Variants in JMJD1C observed in about 807,000 individuals in gnomAD.
JMJD1C encodes the protein jumonji domain containing 1C.
Under a neutral mutation model 245.3 loss-of-function variants are expected in JMJD1C, and 31 were observed. That is an observed-to-expected ratio of 0.13 (90% CI 0.09 to 0.17). The LOEUF is 0.17. Among genes scored for constraint, JMJD1C ranks in the 10% least tolerant of loss-of-function variants. The pLI, the probability that JMJD1C is intolerant of heterozygous loss-of-function variation, is 1.00. For synonymous variants in JMJD1C, 1,057 were observed against 1,017.4 expected (o/e 1.04, Z -0.74); for missense variants, 2,691 against 3,000.2 (o/e 0.90, Z 2.41).
rs924624196 is a variant in JMJD1C, at chr10:63,446,699, T to C, written c.168+18796A>G. 5.3e-5 allele frequency among the ~76,000 whole-genome samples: 8 copies of C among 152,346 alleles called. No individual in the cohort carries two copies. The East Asian group carries it at 1.5e-3, about 29-fold the overall frequency. On this transcript the variant is annotated intron_variant, in intron 1 of 25. Coordinates refer to ENST00000399262, the MANE Select transcript of JMJD1C (RefSeq NM_032776.3). ...AAGGAAAAGAAGGTGATTAACCATA[T>C]TAAATGCTGCTGATAAGCCCAGTAA...
At chr10:63,292,010 G>C (rs958259240) in intron 2 of JMJD1C, among the ~76,000 whole-genome samples, 2 of 151,872 alleles carry the variant, frequency 1.3e-5, no homozygotes, top group African/African-American at 4.8e-5. Flanking sequence ...GAGTGTCATG[G>C]CACGATCACA....
intron 1 of JMJD1C, among the ~76,000 whole-genome samples, chr10:63,516,933 G>A (rs985808431): frequency 6.6e-5 from 10 of 151,976 alleles, no homozygotes; most frequent in Admixed American, 1.3e-4. Context: ...TTCCATAAGC[G>A]ACTGCCTGAG....
intron 22 of JMJD1C, 93 bp downstream of exon 22, chr10:63,183,354 C>T (rs1445121054): frequency 2.4e-5 from 27 of 1,132,348 alleles, no homozygotes; most frequent in Admixed American, 1.4e-4. Flanking sequence ...TTGAAATCTT[C>T]GCTGTTAACT....
intron 1 of JMJD1C, among the ~76,000 whole-genome samples, chr10:63,403,357 G>A (rs1168343614): frequency 6.6e-6 from 1 of 152,158 alleles, no homozygotes. Context: ...AATAAAGGTG[G>A]TACTTAAAAT....
intron 10 of JMJD1C, chr10:63,203,722 A>G: frequency 4.1e-6 from 4 of 982,768 alleles, no homozygotes; most frequent in Non-Finnish European, 4.8e-6. Context: ...AAGAGTAGAT[A>G]AGACAAAATC....
intron 2 of JMJD1C, among the ~76,000 whole-genome samples, chr10:63,315,935 G>C (rs1166412374): frequency 6.6e-6 from 1 of 151,894 alleles, no homozygotes; most frequent in East Asian, 1.9e-4. Context: ...TTGGGAGGCT[G>C]AGATGGACAG....
chr10:63,439,995 T>C (rs1951274826), intron 1 of JMJD1C, among the ~76,000 whole-genome samples: 1 of 152,166 alleles, frequency 6.6e-6, no homozygotes, highest in East Asian at 1.9e-4. Context: ...GCAACCTTAA[T>C]CTACAGACAG....
intron 2 of JMJD1C, among the ~76,000 whole-genome samples, chr10:63,295,897 A>G (rs956979988): frequency 1.0e-4 from 15 of 149,866 alleles, no homozygotes; most frequent in South Asian, 2.1e-4. Context: ...GTATATATAT[A>G]TACATGAATA....
At chr10:63,495,787 A>C (rs865923917) in intron 1 of JMJD1C, among the ~76,000 whole-genome samples, 1 of 151,926 alleles carries the variant, frequency 6.6e-6, no homozygotes, top group Non-Finnish European at 1.5e-5. Context: ...AAATTGAGAA[A>C]GGGAAAGAAT....
At chr10:63,208,831 A>C in intron 9 of JMJD1C, 30 bp from the exon 10 acceptor site, 1 of 1,520,782 alleles carries the variant, frequency 6.6e-7, no homozygotes, top group African/African-American at 1.4e-5. Flanking sequence ...ATATTTCTGT[A>C]ACCACTTTTT....
intron 3 of JMJD1C, among the ~76,000 whole-genome samples, chr10:63,223,557 AC>A (rs1415068779): frequency 2.6e-5 from 4 of 152,036 alleles, no homozygotes; most frequent in Non-Finnish European, 4.4e-5. Flanking sequence ...CATTGCCAAC[AC>A]CGTGCAGACA....
chr10:63,276,933 G>A (rs1490711253), intron 2 of JMJD1C, among the ~76,000 whole-genome samples: 1 of 113,710 alleles, frequency 8.8e-6, no homozygotes, highest in African/African-American at 3.6e-5. Context: ...CGCCCAGGCT[G>A]GAGTGCAGTG....
rs1417657065 is a variant in JMJD1C, at chr10:63,167,503, CTG to C, written c.*540_*541del. On this transcript the variant is annotated 3_prime_UTR_variant, in exon 26 of 26. Coordinates refer to ENST00000399262, the MANE Select transcript of JMJD1C (RefSeq NM_032776.3). ...TAGCTTCAACAAAATATTGAAGTGT[CTG>C]TATTTAGTATCTACTTTATATACTT... The C allele has an allele frequency of 1.3e-5, 2 of 152,552 alleles. No homozygotes were observed. Among genetic ancestry groups the C allele is most frequent in the African/African-American group, 4.8e-5 (2 of 41,432 alleles). The allele number at this position is 152,552 out of a possible 1,614,324, so 9.4% of individuals were successfully genotyped here. A position where few individuals can be genotyped will look rare whatever the true frequency, so the allele number is the denominator to read the frequency against.
At chr10:63,193,654 TTA>T (rs1221375260) in intron 14 of JMJD1C, 182 bp from the exon 15 acceptor site, 21 of 474,896 alleles carry the variant, frequency 4.4e-5, no homozygotes, top group African/African-American at 1.8e-4. Context: ...TCAACCAAAT[TTA>T]TGTTTTTTTT....
chr10:63,402,473 T>G (rs1243853164), intron 1 of JMJD1C, among the ~76,000 whole-genome samples: 3 of 152,192 alleles, frequency 2.0e-5, no homozygotes, highest in Non-Finnish European at 4.4e-5. Context: ...GAACAGGATG[T>G]TTTTAGGAAT....
intron 1 of JMJD1C, among the ~76,000 whole-genome samples, chr10:63,457,109 T>C (rs1011101857): frequency 6.6e-6 from 1 of 152,178 alleles, no homozygotes; most frequent in African/African-American, 2.4e-5. Context: ...TAGTTTTTAA[T>C]ACAGTAAGTA....
intron 2 of JMJD1C, among the ~76,000 whole-genome samples, chr10:63,277,219 T>C (rs1856875524): frequency 2.0e-5 from 3 of 150,368 alleles, no homozygotes; most frequent in African/African-American, 7.3e-5. Context: ...TTTTAATCAA[T>C]GTTGACCAGG....
intron 2 of JMJD1C, among the ~76,000 whole-genome samples, chr10:63,285,191 G>A (rs1027712239): frequency 6.6e-6 from 1 of 152,132 alleles, no homozygotes; most frequent in Admixed American, 6.6e-5. Flanking sequence ...AAGTCATGTA[G>A]CACGCACGAC....
At position 63,192,963 on chromosome 10, in the gene JMJD1C, C is replaced by T. The variant is rs1173539075; in HGVS notation, c.6051G>A (p.Glu2017=). The T allele has an allele frequency of 2.5e-6, 4 of 1,613,812 alleles. No individual in the cohort carries two copies. In the East Asian group the frequency reaches 8.9e-5, roughly 36 times the overall value. Residue 2017 remains glutamate (E), a synonymous_variant, in exon 16 of 26, where the codon GAG becomes GAA. Transcript: ENST00000399262. The part of the protein sequence containing the change: ...SPLHWLADLA[E]QKAREEKKEN... Reference sequence around the variant, plus strand: ...CTTTTTTTTCCTCTCTGGCTTTTTGCTCTGCAAGATCTGCTAACCAGTGCA... The same window carrying T: ...CTTTTTTTTCCTCTCTGGCTTTTTGTTCTGCAAGATCTGCTAACCAGTGCA...
Sources: gnomAD v4.1 joint callset for allele counts (sites outside exome capture counted in the v4.1 genomes callset) on GRCh38, gnomAD v4.1.1 for gene constraint, MANE v1.5 for transcripts, NCBI Gene and HGNC (gene_info 2026-07-23, HGNC 2026-07-21) for gene names.